The following DNAJC25 variants were observed in gnomAD, a reference collection of about 807,000 sequenced individuals.
DNAJC25 encodes the protein dnaJ homolog subfamily C member 25.
A neutral mutation model predicts 42.1 loss-of-function variants in DNAJC25; 26 were observed. The observed-to-expected ratio is 0.62, with a 90% CI of 0.45 to 0.86. The LOEUF is 0.86. Among genes scored for constraint, DNAJC25 ranks in the 40% least tolerant of loss-of-function variants. The pLI is 0.00. For synonymous variants in DNAJC25, 189 were observed against 179.9 expected (o/e 1.05, Z -0.40); for missense variants, 404 against 459.4 (o/e 0.88, Z 1.10).
chr9:111,633,819 C>T (rs1830323970), intron 1 of DNAJC25, among the ~76,000 whole-genome samples: 4 of 152,190 alleles, frequency 2.6e-5, no homozygotes, highest in Admixed American at 2.6e-4. Context: ...CTAAAGGTTT[C>T]TACCCCTAAA....
chr9:111,653,732 CATT>C lies in DNAJC25; in HGVS notation c.*513_*515del, dbSNP rs1830700966. The C allele has an allele frequency of 6.6e-6, 1 of 152,478 alleles. No homozygotes were observed. The highest frequency in any genetic ancestry group is 6.5e-5 in the Admixed American group (1 of 15,276). The allele number at this position is 152,478 out of a possible 1,614,324, so 9.4% of individuals were successfully genotyped here. A position where few individuals can be genotyped will look rare whatever the true frequency, so the allele number is the denominator to read the frequency against. ...CCTAACATGTCGTTTTCATTGCAGT[CATT>C]ATAGGATTGAAATACGTTCAAAATA... On this transcript the variant is annotated 3_prime_UTR_variant, in exon 4 of 4. Transcript: ENST00000313525.
At chr9:111,653,014 T>C in intron 3 of DNAJC25, 86 bp from the exon 4 acceptor site, 3 of 1,356,898 alleles carry the variant, frequency 2.2e-6, no homozygotes, top group Non-Finnish European at 2.9e-6. Context: ...CCTAACATTA[T>C]GTTAGAAAAA....
chr9:111,635,178 C>T (rs578013030), intron 1 of DNAJC25, among the ~76,000 whole-genome samples: 2 of 152,230 alleles, frequency 1.3e-5, no homozygotes, highest in African/African-American at 2.4e-5. Flanking sequence ...TTTAAAGTGG[C>T]TATAGCACTT....
chr9:111,635,958 A>T (rs1470595237), intron 1 of DNAJC25, among the ~76,000 whole-genome samples: 1 of 152,094 alleles, frequency 6.6e-6, no homozygotes, highest in Admixed American at 6.5e-5. Flanking sequence ...CTCTTACTCA[A>T]CCCCTTCTTT....
chr9:111,638,280 A>G lies in DNAJC25; in HGVS notation c.336+6537A>G, dbSNP rs538883355. ...AAAAAGTGCCAACATTTTTAATCAG[A>G]TAGGGAATGCTGAAATGCCTGTAAA... On this transcript the variant is annotated intron_variant, in intron 1 of 3. Coordinates refer to ENST00000313525, the MANE Select transcript of DNAJC25 (RefSeq NM_001015882.3). Among the ~76,000 whole-genome samples, 229 of 152,380 alleles carry G rather than the reference A, an allele frequency of 1.5e-3. 1 individual carries two copies. The highest frequency in any genetic ancestry group is 5.3e-3 in the African/African-American group (220 of 41,600).
intron 1 of DNAJC25, among the ~76,000 whole-genome samples, chr9:111,643,858 T>C (rs1589345518): frequency 6.6e-6 from 1 of 152,206 alleles, no homozygotes; most frequent in Non-Finnish European, 1.5e-5. Flanking sequence ...TTTTCTTTGC[T>C]AATATTCTTG....
intron 3 of DNAJC25, 58 bp downstream of exon 3, chr9:111,649,981 G>T (rs10980991): frequency 6.9e-7 from 1 of 1,439,704 alleles, no homozygotes; most frequent in South Asian, 1.5e-5. Context: ...TTAAAATCAG[G>T]TGTATTATAA....
chr9:111,649,176 A>G (rs1023454719), intron 2 of DNAJC25, among the ~76,000 whole-genome samples: 2 of 152,198 alleles, frequency 1.3e-5, no homozygotes, highest in African/African-American at 4.8e-5. Flanking sequence ...CAGGTGTGGT[A>G]TGATACATTG....
At chr9:111,645,211 G>A (rs1222418107) in intron 1 of DNAJC25, among the ~76,000 whole-genome samples, 1 of 152,008 alleles carries the variant, frequency 6.6e-6, no homozygotes, top group Non-Finnish European at 1.5e-5. Flanking sequence ...TGAATGTAAT[G>A]AATATGGGAG....
Position 111,631,468 on chromosome 9 carries a change from A to G in DNAJC25, c.61A>G (p.Met21Val), listed in dbSNP as rs1481364068. 3 of 1,316,494 alleles carry G rather than the reference A, an allele frequency of 2.3e-6. No individual in the cohort carries two copies. The highest frequency in any genetic ancestry group is 2.9e-6 in the Non-Finnish European group (3 of 1,039,226). The allele number at this position is 1,316,494 out of a possible 1,614,324, so 81.6% of individuals were successfully genotyped here. The change falls in exon 1 of 4, where the codon ATG becomes GTG. Residue 21 changes from methionine to valine, a missense_variant. Coordinates refer to ENST00000313525, the MANE Select transcript of DNAJC25 (RefSeq NM_001015882.3). ...GAGAAGRRWW[M>V]LLAPLLPALL... Reference sequence around the variant, plus strand: ...CGGGGCTGCCGGCCGGCGCTGGTGGATGCTGCTGGCGCCCCTGCTGCCGGC... The same window carrying G: ...CGGGGCTGCCGGCCGGCGCTGGTGGGTGCTGCTGGCGCCCCTGCTGCCGGC...
Position 111,647,088 on chromosome 9 carries a change from A to G in DNAJC25, c.337-19A>G. 1.9e-6 allele frequency: 3 copies of G among 1,611,936 alleles called. No individual in the cohort carries two copies. Among genetic ancestry groups the G allele is most frequent in the Non-Finnish European group, 2.5e-6 (3 of 1,179,104 alleles). The stretch of plus-strand genomic sequence containing the variant: ...TTAATGGACTGTCCTATGAAGTTGG[A>G]TATCTTGTCATTTTACAGGATGAAG... On this transcript the variant is annotated intron_variant, in intron 1 of 3. Coordinates refer to ENST00000313525, the MANE Select transcript of DNAJC25 (RefSeq NM_001015882.3).
chr9:111,650,090 C>T (rs753247710), intron 3 of DNAJC25, among the ~76,000 whole-genome samples, 167 bp downstream of exon 3: 31 of 152,136 alleles, frequency 2.0e-4, no homozygotes, highest in Admixed American at 9.2e-4. Flanking sequence ...GGTAGTGAGA[C>T]GGTGGGTTTT....
At chr9:111,633,604 G>C (rs1026460727) in intron 1 of DNAJC25, among the ~76,000 whole-genome samples, 7 of 152,196 alleles carry the variant, frequency 4.6e-5, no homozygotes, top group African/African-American at 1.7e-4. Context: ...ACTGCCAGCT[G>C]TTGCCTTCTG....
At chr9:111,652,379 G>A (rs535141580) in intron 3 of DNAJC25, among the ~76,000 whole-genome samples, 362 of 151,130 alleles carry the variant, frequency 2.4e-3, no homozygotes, top group African/African-American at 8.2e-3. Context: ...TTAGCCGGGC[G>A]TGGTGGCATG....
intron 3 of DNAJC25, among the ~76,000 whole-genome samples, chr9:111,651,067 G>C (rs1830651383): frequency 6.6e-6 from 1 of 151,930 alleles, no homozygotes; most frequent in African/African-American, 2.4e-5. Context: ...AGGAGTTCAA[G>C]ACCAGCCTGG....
Position 111,649,614 on chromosome 9 carries a change from G to A in DNAJC25, c.651G>A (p.Glu217=). 1 of 1,613,996 alleles carries A rather than the reference G, an allele frequency of 6.2e-7. No individual in the cohort carries two copies. The highest frequency in any genetic ancestry group is 1.1e-5 in the South Asian group (1 of 91,074). ...NKKSKEEIRD[E]EENIIKNIIK... ...AGTCCAAAGAAGAAATTCGTGACGA[G>A]GAGGAGAACATCATAAAGAACATTA... The change falls in exon 3 of 4, where the codon GAG becomes GAA. Residue 217 remains glutamate, a synonymous_variant. Coordinates refer to ENST00000313525, the MANE Select transcript of DNAJC25 (RefSeq NM_001015882.3).
intron 1 of DNAJC25, among the ~76,000 whole-genome samples, chr9:111,633,583 G>A (rs1830319849): frequency 6.6e-6 from 1 of 152,170 alleles, no homozygotes; most frequent in African/African-American, 2.4e-5. Flanking sequence ...AGAAGAGAGG[G>A]CAGCAGAAAC....
chr9:111,647,082 A>C, intron 1 of DNAJC25, 25 bp from the exon 2 acceptor site: 1 of 1,610,844 alleles, frequency 6.2e-7, no homozygotes, highest in Non-Finnish European at 8.5e-7. Flanking sequence ...TGTCCTATGA[A>C]GTTGGATATC....
chr9:111,647,346 A>G, intron 2 of DNAJC25, 87 bp downstream of exon 2: 1 of 1,465,072 alleles, frequency 6.8e-7, no homozygotes, highest in Middle Eastern at 2.3e-4. Context: ...AACTGCGAGT[A>G]TCTTCTTGTA....
Sources: gnomAD v4.1 joint callset for allele counts (sites outside exome capture counted in the v4.1 genomes callset) on GRCh38, gnomAD v4.1.1 for gene constraint, MANE v1.5 for transcripts, NCBI Gene and HGNC (gene_info 2026-07-23, HGNC 2026-07-21) for gene names.